Variants in TNRC6A observed in about 807,000 individuals in gnomAD.
TNRC6A encodes the protein trinucleotide repeat containing adaptor 6A.
TNRC6A carries 44 observed loss-of-function variants against 221.2 expected under a neutral mutation model. The observed-to-expected ratio is 0.20, with a 90% confidence interval of 0.16 to 0.26. The LOEUF (loss-of-function observed/expected upper bound fraction) is 0.26. Ranked by LOEUF, TNRC6A falls within the 10% of genes least tolerant of loss-of-function variation. The pLI is 1.00. For synonymous variants in TNRC6A, 847 were observed against 838.5 expected (o/e 1.01, Z -0.18); for missense variants, 2,199 against 2,404.4 (o/e 0.91, Z 1.79).
At position 24,614,908 on chromosome 16, in the gene TNRC6A, A is replaced by G. The variant is rs576599546; in HGVS notation, n.276+4424A>G. On this transcript the variant is annotated intron_variant and non_coding_transcript_variant, in intron 1 of 2. Transcript: ENST00000566108. ...AACACAGTGAAACCTCGTCTCTACT[A>G]AAAATACAAAAATTAGCCAGGCATG... Among the ~76,000 whole-genome samples, 21 of 152,270 alleles carry G rather than the reference A, an allele frequency of 1.4e-4. No homozygotes were observed. In the South Asian group the frequency reaches 4.4e-3, roughly 32 times the overall value.
In TNRC6A at chr16:24,797,476, T is replaced by C; in HGVS notation, c.3562-14T>C. Reference sequence around the variant, plus strand: ...ATGGCCATGGCATCTTTTCTACTCTTTTATTTTACAAAGGGAATGATGAAA... The same window carrying C: ...ATGGCCATGGCATCTTTTCTACTCTCTTATTTTACAAAGGGAATGATGAAA... On this transcript the variant is annotated splice_polypyrimidine_tract_variant and intron_variant, in intron 9 of 24. Transcript: ENST00000395799. 1 of 1,604,512 alleles carries C rather than the reference T, an allele frequency of 6.2e-7. No individual in the cohort carries two copies.
intron 2 of TNRC6A, among the ~76,000 whole-genome samples, chr16:24,682,921 A>G (rs2055560666): frequency 6.6e-6 from 1 of 152,204 alleles, no homozygotes; most frequent in South Asian, 2.1e-4. Flanking sequence ...TAAATGCATC[A>G]TTGAATTTAA....
chr16:24,786,536 G>T (rs1016038543), intron 5 of TNRC6A, among the ~76,000 whole-genome samples: 1 of 151,770 alleles, frequency 6.6e-6, no homozygotes, highest in Non-Finnish European at 1.5e-5. Flanking sequence ...GGATGGTCTC[G>T]ATCTGCTGAC....
At chr16:24,660,843 G>A (rs1243877240) in intron 2 of TNRC6A, among the ~76,000 whole-genome samples, 2 of 139,890 alleles carry the variant, frequency 1.4e-5, no homozygotes, top group South Asian at 4.7e-4. Flanking sequence ...CCGGGTTCAC[G>A]CCATTCTCCT....
chr16:24,788,116 T>TG (rs967423934), intron 5 of TNRC6A, among the ~76,000 whole-genome samples: 2 of 152,372 alleles, frequency 1.3e-5, no homozygotes, highest in Admixed American at 1.3e-4. Flanking sequence ...GCACTAGAAC[T>TG]GCCCTACCTG....
intron 2 of TNRC6A, among the ~76,000 whole-genome samples, chr16:24,708,153 G>A (rs1394464949): frequency 6.6e-6 from 1 of 151,896 alleles, no homozygotes; most frequent in Non-Finnish European, 1.5e-5. Flanking sequence ...CATGCTCTTC[G>A]TTTTTGTTTG....
intron 1 of TNRC6A, among the ~76,000 whole-genome samples, chr16:24,632,795 G>A (rs1901414553): frequency 6.6e-6 from 1 of 152,054 alleles, no homozygotes; most frequent in Non-Finnish European, 1.5e-5. Flanking sequence ...GATCACCTGA[G>A]GTCAGGAGTT....
intron 2 of TNRC6A, among the ~76,000 whole-genome samples, chr16:24,737,059 G>C (rs1228793150): frequency 6.6e-6 from 1 of 152,142 alleles, no homozygotes; most frequent in East Asian, 1.9e-4. Flanking sequence ...AGAGTGGCAC[G>C]GTGCCACCAG....
At chr16:24,692,502 G>A (rs1004494411) in intron 2 of TNRC6A, among the ~76,000 whole-genome samples, 12 of 152,060 alleles carry the variant, frequency 7.9e-5, no homozygotes, top group Admixed American at 5.9e-4. Context: ...CCCGGGAGAT[G>A]GAGGTTGCAG....
chr16:24,822,831 C>G, intron 23 of TNRC6A, 43 bp from the exon 24 acceptor site: 1 of 1,610,914 alleles, frequency 6.2e-7, no homozygotes, highest in Non-Finnish European at 8.5e-7. Context: ...CTGGAGGGCC[C>G]GCGGTGACGC....
intron 2 of TNRC6A, 91 bp downstream of exon 2, chr16:24,730,391 G>T: frequency 6.8e-7 from 1 of 1,475,190 alleles, no homozygotes; most frequent in South Asian, 1.2e-5. Context: ...GTTCCCCCGT[G>T]ACATTTTCTT....
chr16:24,771,766 G>A (rs1045158156), intron 4 of TNRC6A, among the ~76,000 whole-genome samples: 1 of 152,020 alleles, frequency 6.6e-6, no homozygotes, highest in Admixed American at 6.6e-5. Flanking sequence ...TGTTTTGGAG[G>A]GATAAATCTT....
At chr16:24,675,698 CTCTCTATATATATATATATATATATATA>C (rs1469377755) in intron 2 of TNRC6A, among the ~76,000 whole-genome samples, 11 of 66,598 alleles carry the variant, frequency 1.7e-4, no homozygotes, top group East Asian at 7.5e-4. Flanking sequence ...CTCTCTCTCT[CTCTCTATATATATATATATATATATATA>C]TATATATATA....
intron 4 of TNRC6A, among the ~76,000 whole-genome samples, chr16:24,773,211 T>C (rs1473909526): frequency 6.6e-6 from 1 of 152,232 alleles, no homozygotes; most frequent in Non-Finnish European, 1.5e-5. Context: ...AATAAGGCTA[T>C]GAATTTTTTT....
chr16:24,710,581 G>C (rs1259122596), intron 2 of TNRC6A, among the ~76,000 whole-genome samples: 1 of 152,206 alleles, frequency 6.6e-6, no homozygotes, highest in Non-Finnish European at 1.5e-5. Context: ...CTACTAAGCA[G>C]TGCTAGATTT....
chr16:24,809,120 T>C (rs965012659), intron 17 of TNRC6A, among the ~76,000 whole-genome samples: 2 of 152,368 alleles, frequency 1.3e-5, no homozygotes, highest in African/African-American at 4.8e-5. Context: ...AGTAAACTTA[T>C]ACATCTGGCT....
intron 1 of TNRC6A, among the ~76,000 whole-genome samples, chr16:24,614,197 C>G (rs2141545128): frequency 6.6e-6 from 1 of 152,330 alleles, no homozygotes; most frequent in Admixed American, 6.5e-5. Context: ...CATATGACAG[C>G]TGGGTTCCAA....
intron 5 of TNRC6A, chr16:24,778,181 C>A (rs548839218): frequency 2.1e-6 from 1 of 476,098 alleles, no homozygotes; most frequent in East Asian, 1.5e-4. Flanking sequence ...CCGGTGCCCC[C>A]ATATCCCAGT....
intron 2 of TNRC6A, among the ~76,000 whole-genome samples, chr16:24,654,754 C>T (rs1055484953): frequency 6.6e-6 from 1 of 151,842 alleles, no homozygotes; most frequent in Non-Finnish European, 1.5e-5. Flanking sequence ...AATAAAAAAA[C>T]ACACAACAAC....
Sources: gnomAD v4.1 joint callset for allele counts (sites outside exome capture counted in the v4.1 genomes callset) on GRCh38, gnomAD v4.1.1 for gene constraint, MANE v1.5 for transcripts, NCBI Gene and HGNC (gene_info 2026-07-23, HGNC 2026-07-21) for gene names.